The following ZDHHC2 variants were observed in gnomAD, a reference collection of about 807,000 sequenced individuals.
ZDHHC2 encodes the protein zDHHC palmitoyltransferase 2.
Under a neutral mutation model 55.6 loss-of-function variants are expected in ZDHHC2, and 51 were observed. That is an observed-to-expected ratio of 0.92 (90% CI 0.73 to 1.16). The LOEUF (loss-of-function observed/expected upper bound fraction) is 1.16. ZDHHC2 is among the 50% of genes most tolerant of loss of function. The pLI is 0.00. For missense variants in ZDHHC2, 491 were observed against 442.4 expected, an observed-to-expected ratio of 1.11 and a Z score of -0.99; for synonymous variants, 199 against 152.9, an observed-to-expected ratio of 1.30 and a Z score of -2.22.
Position 17,220,592 on chromosome 8 carries a change from C to G in ZDHHC2, c.*371C>G, listed in dbSNP as rs965943160. 1.3e-5 allele frequency: 2 copies of G among 152,170 alleles called. No individual in the cohort carries two copies. Among genetic ancestry groups the G allele is most frequent in the African/African-American group, 4.8e-5 (2 of 41,446 alleles). 9.4% of individuals were successfully genotyped at this position (152,170 alleles called of 1,614,324 possible). A position where few individuals can be genotyped will look rare whatever the true frequency, so the allele number is the denominator to read the frequency against. ...CCATTAATCATCTGATTTTCCGAAT[C>G]TGAAAATTGAGACTATTAAGATATT... On this transcript the variant is annotated 3_prime_UTR_variant, in exon 13 of 13. Coordinates refer to ENST00000262096, the MANE Select transcript of ZDHHC2 (RefSeq NM_016353.5).
Position 17,221,057 on chromosome 8 carries a change from T to G in ZDHHC2, c.*836T>G, listed in dbSNP as rs146955666. 1 of 152,602 alleles carries G rather than the reference T, an allele frequency of 6.6e-6. No homozygotes were observed. The highest frequency in any genetic ancestry group is 2.4e-5 in the African/African-American group (1 of 41,576). 9.5% of individuals were successfully genotyped at this position (152,602 alleles called of 1,614,324 possible). A position where few individuals can be genotyped will look rare whatever the true frequency, so the allele number is the denominator to read the frequency against. On this transcript the variant is annotated 3_prime_UTR_variant, in exon 13 of 13. Coordinates refer to ENST00000262096, the MANE Select transcript of ZDHHC2 (RefSeq NM_016353.5). ...GCTTTCTAAAAATCTCTTTTTAGAT[T>G]ATTTCTCCTGTTGAACATAGTAAAA... is the stretch of plus-strand genomic sequence containing the variant.
rs141537981 is a variant in ZDHHC2, at chr8:17,169,827, T to C, written c.130+12974T>C. 1.5e-3 allele frequency among the ~76,000 whole-genome samples: 223 copies of C among 152,284 alleles called. 4 individuals carry two copies. The East Asian group carries it at 0.034, about 23-fold the overall frequency. On this transcript the variant is annotated intron_variant, in intron 1 of 12. Coordinates refer to ENST00000262096, the MANE Select transcript of ZDHHC2 (RefSeq NM_016353.5). ...AGAGGAAGAGACTCATTCCAAATAT[T>C]GATGACTGGATTCTTCAATTCCTTG...
chr8:17,205,102 T>C (rs1438261759), intron 6 of ZDHHC2, among the ~76,000 whole-genome samples: 1 of 152,194 alleles, frequency 6.6e-6, no homozygotes, highest in African/African-American at 2.4e-5. Flanking sequence ...ACATCATTAC[T>C]TAGTGTCAAA....
chr8:17,174,836 G>A (rs183097544), intron 1 of ZDHHC2, among the ~76,000 whole-genome samples: 77 of 150,070 alleles, frequency 5.1e-4, no homozygotes, highest in Admixed American at 3.2e-3. Context: ...TCAGCCTCCT[G>A]ACTAGCTGGC....
intron 3 of ZDHHC2, among the ~76,000 whole-genome samples, chr8:17,192,652 C>G (rs2150918211): frequency 6.6e-6 from 1 of 152,260 alleles, no homozygotes; most frequent in South Asian, 2.1e-4. Context: ...TCCACTTTTG[C>G]TTTGGTTGCC....
intron 1 of ZDHHC2, among the ~76,000 whole-genome samples, chr8:17,178,665 T>C (rs1011556913): frequency 1.3e-5 from 2 of 152,178 alleles, no homozygotes; most frequent in Non-Finnish European, 2.9e-5. Context: ...GATTAAATGA[T>C]TGCTTGGTAG....
chr8:17,216,451 A>C (rs1208877125), intron 11 of ZDHHC2, among the ~76,000 whole-genome samples: 1 of 152,136 alleles, frequency 6.6e-6, no homozygotes, highest in Non-Finnish European at 1.5e-5. Flanking sequence ...CTTGACCTTC[A>C]CACATGCCAT....
chr8:17,202,734 T>TACACACACAC (rs61412744), intron 6 of ZDHHC2, among the ~76,000 whole-genome samples: 4 of 149,730 alleles, frequency 2.7e-5, no homozygotes, highest in African/African-American at 9.8e-5. Flanking sequence ...TATATATATA[T>TACACACACAC]ACACACACAC....
At chr8:17,184,875 C>G (rs1805632659) in intron 2 of ZDHHC2, 60 bp downstream of exon 2, 12 of 1,403,492 alleles carry the variant, frequency 8.6e-6, no homozygotes, top group Non-Finnish European at 1.2e-5. Flanking sequence ...AAATTGTATT[C>G]ACTTAGATTT....
chr8:17,203,969 A>G (rs547174813), intron 6 of ZDHHC2, among the ~76,000 whole-genome samples: 2 of 151,976 alleles, frequency 1.3e-5, no homozygotes, highest in South Asian at 2.1e-4. Flanking sequence ...TACCACGCCC[A>G]GCTAATTTTT....
At chr8:17,206,947 G>C (rs1807129760) in intron 7 of ZDHHC2, among the ~76,000 whole-genome samples, 1 of 152,170 alleles carries the variant, frequency 6.6e-6, no homozygotes, top group Non-Finnish European at 1.5e-5. Context: ...TGAGTGAAGA[G>C]ACCTGCTGCT....
At chr8:17,216,418 A>C (rs1033306224) in intron 11 of ZDHHC2, among the ~76,000 whole-genome samples, 9 of 152,136 alleles carry the variant, frequency 5.9e-5, no homozygotes, top group African/African-American at 2.2e-4. Flanking sequence ...CCATTATTTG[A>C]CTATTCATAA....
chr8:17,198,447 C>A (rs185184143), intron 6 of ZDHHC2, 34 bp downstream of exon 6: 2 of 1,566,968 alleles, frequency 1.3e-6, no homozygotes, highest in South Asian at 1.2e-5. Context: ...AAGTTTGTGT[C>A]CCTTGTAAAT....
At chr8:17,209,826 C>T (rs1807287316) in intron 8 of ZDHHC2, 106 bp from the exon 9 acceptor site, 1 of 1,317,372 alleles carries the variant, frequency 7.6e-7, no homozygotes, top group Admixed American at 3.1e-5. Flanking sequence ...GTCAGCTAGC[C>T]ATTGATTTTC....
Position 17,169,545 on chromosome 8 carries a change from A to C in ZDHHC2, c.130+12692A>C, listed in dbSNP as rs997058481. 3.3e-5 allele frequency among the ~76,000 whole-genome samples: 5 copies of C among 152,302 alleles called. No homozygotes were observed. In the East Asian group the frequency reaches 7.7e-4, roughly 24 times the overall value. ...GGAAATGGTACGCAAACTGATAAAG[A>C]GGAGTGGGTGGGAAGGAGGGGAAGT... On this transcript the variant is annotated intron_variant, in intron 1 of 12. Coordinates refer to ENST00000262096, the MANE Select transcript of ZDHHC2 (RefSeq NM_016353.5).
chr8:17,211,311 C>T (rs957027379), intron 10 of ZDHHC2, among the ~76,000 whole-genome samples: 9 of 152,100 alleles, frequency 5.9e-5, no homozygotes, highest in Admixed American at 3.3e-4. Flanking sequence ...AACGTTAGAG[C>T]TTTTCTTAGT....
rs532898519 is a variant in ZDHHC2, at chr8:17,203,520, C to T, written c.477-2135C>T. ...AAGTGCTGGGATTACAGGCGTCAGC[C>T]ACCACGCCCACCCATATTGTCCAAA... On this transcript the variant is annotated intron_variant, in intron 6 of 12. Transcript: ENST00000262096. 5.1e-4 allele frequency among the ~76,000 whole-genome samples: 77 copies of T among 152,096 alleles called. 1 individual carries two copies. Among genetic ancestry groups the T allele is most frequent in the Admixed American group, 2.1e-3 (32 of 15,304 alleles).
intron 10 of ZDHHC2, among the ~76,000 whole-genome samples, chr8:17,211,956 G>C (rs192343265): frequency 1.3e-5 from 2 of 151,910 alleles, no homozygotes; most frequent in African/African-American, 4.8e-5. Context: ...ATACTTTTTT[G>C]CCCTTTGTGT....
intron 3 of ZDHHC2, among the ~76,000 whole-genome samples, chr8:17,193,574 C>T (rs1162355206): frequency 6.6e-6 from 1 of 152,242 alleles, no homozygotes; most frequent in African/African-American, 2.4e-5. Context: ...CTGAAGGGCT[C>T]TGCAGTCAGT....
Sources: gnomAD v4.1 joint callset for allele counts (sites outside exome capture counted in the v4.1 genomes callset) on GRCh38, gnomAD v4.1.1 for gene constraint, MANE v1.5 for transcripts, NCBI Gene and HGNC (gene_info 2026-07-23, HGNC 2026-07-21) for gene names.